Variants in CLASP1 observed in about 807,000 individuals in gnomAD.
CLASP1 encodes the protein CLIP-associating protein 1.
In CLASP1, 38 loss-of-function variants were observed where a neutral mutation model predicts 192.3. That is an observed-to-expected ratio of 0.20 (90% CI 0.15 to 0.26). The LOEUF is 0.26. Among genes scored for constraint, CLASP1 ranks in the 10% least tolerant of loss-of-function variants. The pLI, the probability that CLASP1 is intolerant of heterozygous loss-of-function variation, is 1.00. For missense variants in CLASP1, 1,433 were observed against 1,932.5 expected (o/e 0.74, Z 4.85); for synonymous variants, 691 against 712.8 (o/e 0.97, Z 0.49).
chr2:121,585,425 G>A (rs901734415), intron 2 of CLASP1, among the ~76,000 whole-genome samples: 3 of 152,156 alleles, frequency 2.0e-5, no homozygotes, highest in Admixed American at 6.5e-5. Flanking sequence ...AAGCAACTGC[G>A]AAGTGAGATT....
intron 8 of CLASP1, among the ~76,000 whole-genome samples, chr2:121,478,914 C>CA (rs2092252316): frequency 1.6e-5 from 1 of 63,348 alleles, no homozygotes; most frequent in Non-Finnish European, 3.1e-5. Flanking sequence ...ACCACACACA[C>CA]CACACACACA....
At chr2:121,449,910 A>G (rs2085096919) in intron 16 of CLASP1, among the ~76,000 whole-genome samples, 1 of 152,194 alleles carries the variant, frequency 6.6e-6, no homozygotes, top group Admixed American at 6.5e-5. Flanking sequence ...CAATTAGGAG[A>G]GTTGGTCAAC....
intron 2 of CLASP1, among the ~76,000 whole-genome samples, chr2:121,594,116 C>A (rs973622992): frequency 1.3e-5 from 2 of 151,486 alleles, no homozygotes; most frequent in Non-Finnish European, 2.9e-5. Context: ...CTGGCTAACA[C>A]GGTGAAACCC....
At chr2:121,369,231 A>C (rs1004427439) in intron 34 of CLASP1, among the ~76,000 whole-genome samples, 2 of 152,214 alleles carry the variant, frequency 1.3e-5, no homozygotes, top group Non-Finnish European at 2.9e-5. Context: ...TTGGACTTGA[A>C]TCTAGTGGAG....
At chr2:121,494,878 A>C (rs2093463416) in intron 8 of CLASP1, among the ~76,000 whole-genome samples, 1 of 151,606 alleles carries the variant, frequency 6.6e-6, no homozygotes, top group Non-Finnish European at 1.5e-5. Flanking sequence ...AAAAATTACC[A>C]AGGCATGGTG....
At chr2:121,451,689 T>A in intron 15 of CLASP1, 101 bp downstream of exon 15, 2 of 842,638 alleles carry the variant, frequency 2.4e-6, no homozygotes, top group Non-Finnish European at 3.8e-6. Context: ...CAAACGCATA[T>A]ATTCCTCCAT....
chr2:121,497,828 T>C (rs942616443), intron 8 of CLASP1, among the ~76,000 whole-genome samples: 5 of 152,116 alleles, frequency 3.3e-5, no homozygotes, highest in African/African-American at 1.2e-4. Flanking sequence ...CAAGCGATTC[T>C]CCTGCCCCAG....
intron 3 of CLASP1, among the ~76,000 whole-genome samples, chr2:121,529,039 C>T (rs2094667707): frequency 6.6e-6 from 1 of 152,098 alleles, no homozygotes; most frequent in Non-Finnish European, 1.5e-5. Flanking sequence ...CCAGCCAGTT[C>T]CCAACGTATT....
At chr2:121,362,651 T>C (rs529541103) in intron 37 of CLASP1, among the ~76,000 whole-genome samples, 97 of 152,334 alleles carry the variant, frequency 6.4e-4, no homozygotes, top group African/African-American at 2.3e-3. Flanking sequence ...TGGGCTGGAA[T>C]CATCCCTGGT....
Position 121,377,677 on chromosome 2 carries a change from A to G in CLASP1, c.3492-28T>C, listed in dbSNP as rs1247758418. The G allele has an allele frequency of 2.7e-6, 4 of 1,497,910 alleles. No individual in the cohort carries two copies. In the South Asian group the frequency reaches 5.1e-5, roughly 19 times the overall value. The allele number at this position is 1,497,910 out of a possible 1,614,324, so 92.8% of individuals were successfully genotyped here. A position where few individuals can be genotyped will look rare whatever the true frequency, so the allele number is the denominator to read the frequency against. ...AAAGATAAAAAATATTTTATTTCTTAAATCGAGGCATATACATAGAACTGA... is the reference window on the plus strand; with the variant it reads ...AAAGATAAAAAATATTTTATTTCTTGAATCGAGGCATATACATAGAACTGA... On this transcript the variant is annotated intron_variant, in intron 33 of 39. Transcript: ENST00000263710.
At chr2:121,597,874 C>G (rs943199485) in intron 2 of CLASP1, among the ~76,000 whole-genome samples, 6 of 152,190 alleles carry the variant, frequency 3.9e-5, no homozygotes, top group Admixed American at 1.3e-4. Flanking sequence ...TAAGTCCCCC[C>G]CCAATTCCCT....
intron 28 of CLASP1, among the ~76,000 whole-genome samples, chr2:121,400,658 G>A (rs1325048629): frequency 6.6e-6 from 1 of 152,210 alleles, no homozygotes; most frequent in Admixed American, 6.5e-5. Context: ...AAGGCAAACT[G>A]TCTGTTTCTC....
intron 34 of CLASP1, among the ~76,000 whole-genome samples, chr2:121,375,242 T>C (rs932467581): frequency 6.6e-6 from 1 of 152,094 alleles, no homozygotes; most frequent in African/African-American, 2.4e-5. Flanking sequence ...GAAGATGTGC[T>C]TGCTTCTCCT....
intron 33 of CLASP1, among the ~76,000 whole-genome samples, chr2:121,380,841 G>T (rs1203190081): frequency 6.6e-6 from 1 of 152,150 alleles, no homozygotes; most frequent in Admixed American, 6.6e-5. Flanking sequence ...CTCTCTTAAT[G>T]AGTTAGGTCA....
At chr2:121,447,472 C>T in exon 19 of CLASP1, 5 of 1,555,074 alleles carry the variant, frequency 3.2e-6, no homozygotes, top group East Asian at 2.4e-5. Flanking sequence ...TGGAGGGACC[C>T]AGTCGTTGAC....
chr2:121,384,125 CAT>C (rs1417591841), intron 32 of CLASP1, among the ~76,000 whole-genome samples: 3 of 133,468 alleles, frequency 2.2e-5, no homozygotes, highest in African/African-American at 2.7e-5. Context: ...TATATACACA[CAT>C]ATATATGTAT....
chr2:121,473,721 G>A (rs2091166672), intron 8 of CLASP1, among the ~76,000 whole-genome samples: 1 of 152,160 alleles, frequency 6.6e-6, no homozygotes, highest in Non-Finnish European at 1.5e-5. Flanking sequence ...GCCAGGGGAA[G>A]AGACATAGCA....
chr2:121,479,075 CCAT>C (rs1293595203), intron 8 of CLASP1, among the ~76,000 whole-genome samples: 3 of 117,786 alleles, frequency 2.5e-5, no homozygotes, highest in African/African-American at 6.7e-5. Context: ...CACACACACA[CCAT>C]CAACAACATG....
At chr2:121,633,132 T>C (rs1428661043) in intron 1 of CLASP1, among the ~76,000 whole-genome samples, 2 of 151,830 alleles carry the variant, frequency 1.3e-5, no homozygotes, top group African/African-American at 2.4e-5. Flanking sequence ...TTAATTCATG[T>C]GTATATATTA....
Sources: allele counts gnomAD v4.1 joint callset (sites outside exome capture counted in the v4.1 genomes callset), GRCh38; gene constraint gnomAD v4.1.1; transcripts MANE v1.5; gene names NCBI Gene and HGNC (gene_info 2026-07-23, HGNC 2026-07-21).